The following SLC4A10 variants were observed in gnomAD, a reference collection of about 807,000 sequenced individuals.
SLC4A10 encodes solute carrier family 4 member 10, also known as sodium-driven chloride bicarbonate exchanger.
Under a neutral mutation model 137.7 loss-of-function variants are expected in SLC4A10, and 42 were observed. That is an observed-to-expected ratio of 0.30 (90% confidence interval 0.24 to 0.39). The LOEUF is 0.39. Ranked by LOEUF, SLC4A10 falls within the 10% of genes least tolerant of loss-of-function variation. The probability of loss-of-function intolerance (pLI) is 1.00; values close to 1 mark genes in which losing one functional copy is unlikely to be tolerated. For synonymous variants in SLC4A10, 474 were observed against 464.1 expected (o/e 1.02, Z -0.27); for missense variants, 925 against 1,355.0 (o/e 0.68, Z 4.98).
chr2:161,765,414 T>C (rs1479375697), intron 1 of SLC4A10, among the ~76,000 whole-genome samples: 1 of 151,874 alleles, frequency 6.6e-6, no homozygotes, highest in East Asian at 1.9e-4. Context: ...CAAGACCAGG[T>C]TGGCCAATGT....
At chr2:161,881,016 A>C (rs989039097) in intron 9 of SLC4A10, among the ~76,000 whole-genome samples, 1 of 152,080 alleles carries the variant, frequency 6.6e-6, no homozygotes, top group Admixed American at 6.6e-5. Context: ...CGGAGAAAAA[A>C]ATTAGGGCCA....
Position 161,626,915 on chromosome 2 carries a change from C to T in SLC4A10, c.48+2349C>T, listed in dbSNP as rs955040868. On this transcript the variant is annotated intron_variant, in intron 1 of 26. Transcript: ENST00000446997. Reference sequence around the variant, plus strand: ...GCTCTGTTTTAGAAAATTAATCAGACGACTTTGCAAATAATTTTGTGAGAG... The same window carrying T: ...GCTCTGTTTTAGAAAATTAATCAGATGACTTTGCAAATAATTTTGTGAGAG... Among the ~76,000 whole-genome samples, 9 of 152,012 alleles carry T rather than the reference C, an allele frequency of 5.9e-5. No homozygotes were observed. The South Asian group carries it at 6.2e-4, about 10-fold the overall frequency.
In SLC4A10 at chr2:161,862,935, C is replaced by T; in HGVS notation, c.639C>T (p.Val213=). The part of the protein sequence containing the change: ...GQLNEDVRHR[V]HEALMKQHHH... ...TGAATGAAGATGTACGCCATAGGGTCCATGAGGCATTGATGAAACAGCATC... is the reference window on the plus strand; with the variant it reads ...TGAATGAAGATGTACGCCATAGGGTTCATGAGGCATTGATGAAACAGCATC... The change falls in exon 6 of 27, where the codon GTC becomes GTT. Residue 213 remains valine (V), a synonymous_variant. Coordinates refer to ENST00000446997, the MANE Select transcript of SLC4A10 (RefSeq NM_001178015.2). 1 of 1,613,506 alleles carries T rather than the reference C, an allele frequency of 6.2e-7. No individual in the cohort carries two copies. Among genetic ancestry groups the T allele is most frequent in the Non-Finnish European group, 8.5e-7 (1 of 1,179,702 alleles).
At chr2:161,773,614 T>C (rs1339645909) in intron 2 of SLC4A10, among the ~76,000 whole-genome samples, 1 of 151,900 alleles carries the variant, frequency 6.6e-6, no homozygotes, top group Non-Finnish European at 1.5e-5. Context: ...TGGTGTAATG[T>C]AACATTCTGA....
At chr2:161,642,338 TCTG>T (rs1238107547) in intron 1 of SLC4A10, among the ~76,000 whole-genome samples, 1 of 151,962 alleles carries the variant, frequency 6.6e-6, no homozygotes, top group Non-Finnish European at 1.5e-5. Context: ...TACATTTTTT[TCTG>T]TTGTTTTTCT....
At chr2:161,856,047 C>T in intron 5 of SLC4A10, among the ~76,000 whole-genome samples, 1 of 151,602 alleles carries the variant, frequency 6.6e-6, no homozygotes, top group East Asian at 1.9e-4. Flanking sequence ...GCAGAACAGC[C>T]CCATGAAGTA....
chr2:161,686,887 T>A (rs2041474961), intron 1 of SLC4A10, among the ~76,000 whole-genome samples: 1 of 149,136 alleles, frequency 6.7e-6, no homozygotes, highest in Admixed American at 6.7e-5. Context: ...TCTTTTGTTG[T>A]CTTTTTTTTT....
chr2:161,672,721 T>A (rs2039871137), intron 1 of SLC4A10, among the ~76,000 whole-genome samples: 1 of 152,170 alleles, frequency 6.6e-6, no homozygotes, highest in Non-Finnish European at 1.5e-5. Flanking sequence ...ATTAACCTCA[T>A]GATTTAAATA....
intron 1 of SLC4A10, among the ~76,000 whole-genome samples, chr2:161,761,667 C>T (rs933740648): frequency 1.3e-5 from 2 of 152,046 alleles, no homozygotes; most frequent in African/African-American, 2.4e-5. Context: ...ACCTTTTATC[C>T]TTTAACTAGT....
intron 3 of SLC4A10, among the ~76,000 whole-genome samples, chr2:161,827,634 C>T (rs71424719): frequency 0.054 from 8,149 of 151,714 alleles, 279 homozygotes; most frequent in Middle Eastern, 0.13. Flanking sequence ...CGCGCGATCT[C>T]GGCTCACTGC....
chr2:161,800,339 A>C (rs1028953357), intron 2 of SLC4A10, among the ~76,000 whole-genome samples: 1 of 152,018 alleles, frequency 6.6e-6, no homozygotes, highest in African/African-American at 2.4e-5. Context: ...TCTACTTTCT[A>C]TCTATTATAC....
intron 16 of SLC4A10, among the ~76,000 whole-genome samples, chr2:161,945,605 T>A (rs1268539348): frequency 1.3e-5 from 2 of 151,768 alleles, no homozygotes; most frequent in Non-Finnish European, 2.9e-5. Context: ...TGTGCATGTA[T>A]GTATGTGTGC....
At position 161,983,307 on chromosome 2, in the gene SLC4A10, T is replaced by G; in HGVS notation, c.*155T>G. On this transcript the variant is annotated 3_prime_UTR_variant, in exon 27 of 27. Transcript: ENST00000446997. ...AGAGTGTCACAATTATTAATAAAAC[T>G]GCTTTGATCATGTATTGTAAATTCT... is the stretch of plus-strand genomic sequence containing the variant. The G allele has an allele frequency of 2.1e-6, 3 of 1,432,622 alleles. No homozygotes were observed. Among genetic ancestry groups the G allele is most frequent in the Non-Finnish European group, 2.8e-6 (3 of 1,056,290 alleles). The allele number at this position is 1,432,622 out of a possible 1,614,324, so 88.7% of individuals were successfully genotyped here.
At chr2:161,867,033 A>G (rs1008324325) in intron 6 of SLC4A10, among the ~76,000 whole-genome samples, 6 of 151,876 alleles carry the variant, frequency 4.0e-5, no homozygotes, top group African/African-American at 1.2e-4. Flanking sequence ...TAGGATCTCA[A>G]AAGGAGTTAC....
At chr2:161,946,327 A>G (rs999640691) in intron 16 of SLC4A10, among the ~76,000 whole-genome samples, 4 of 152,062 alleles carry the variant, frequency 2.6e-5, no homozygotes, top group African/African-American at 9.7e-5. Flanking sequence ...AGCAACTCCA[A>G]GTAGATTTTA....
At chr2:161,841,987 A>G (rs2059214637) in intron 4 of SLC4A10, among the ~76,000 whole-genome samples, 1 of 152,156 alleles carries the variant, frequency 6.6e-6, no homozygotes, top group Non-Finnish European at 1.5e-5. Context: ...ATATATTTGG[A>G]ACATTTTCCA....
At chr2:161,734,444 ACTT>A (rs2047123071) in intron 1 of SLC4A10, among the ~76,000 whole-genome samples, 1 of 151,770 alleles carries the variant, frequency 6.6e-6, no homozygotes, top group Non-Finnish European at 1.5e-5. Context: ...AGTGCCTTTT[ACTT>A]CTTACCATGC....
At chr2:161,853,435 A>G (rs2059933814) in intron 4 of SLC4A10, among the ~76,000 whole-genome samples, 1 of 152,184 alleles carries the variant, frequency 6.6e-6, no homozygotes, top group Non-Finnish European at 1.5e-5. Context: ...TGAAAGTGAC[A>G]CACACATAAT....
intron 1 of SLC4A10, among the ~76,000 whole-genome samples, chr2:161,733,687 G>A (rs1005633856): frequency 6.6e-6 from 1 of 152,188 alleles, no homozygotes; most frequent in Non-Finnish European, 1.5e-5. Flanking sequence ...TACAATTCAA[G>A]AAGAGATTTG....
Sources: gnomAD v4.1 joint callset for allele counts (sites outside exome capture counted in the v4.1 genomes callset) on GRCh38, gnomAD v4.1.1 for gene constraint, MANE v1.5 for transcripts, NCBI Gene and HGNC (gene_info 2026-07-23, HGNC 2026-07-21) for gene names.